The following AR variants were observed in gnomAD, a reference collection of about 807,000 sequenced individuals.
AR encodes the protein dihydrotestosterone receptor.
AR carries 8 observed loss-of-function variants against 53.9 expected under a neutral mutation model. That is an observed-to-expected ratio of 0.15 (90% CI 0.09 to 0.27). AR has a LOEUF of 0.27. Ranked by LOEUF, AR falls within the 10% of genes least tolerant of loss-of-function variation. AR has a pLI of 1.00. For missense variants in AR, 639 were observed against 742.5 expected (o/e 0.86, Z 1.62); for synonymous variants, 359 against 316.4 (o/e 1.13, Z -1.43).
intron 1 of AR, among the ~76,000 whole-genome samples, chrX:67,568,322 A>G (rs913403090): frequency 2.7e-5 from 3 of 111,906 alleles, no homozygotes; most frequent in Admixed American, 1.9e-4. Context: ...GTCATAATTT[A>G]GAGAGAATTC....
At chrX:67,683,875 GAAAA>G in intron 2 of AR, among the ~76,000 whole-genome samples, 1 of 95,116 alleles carries the variant, frequency 1.1e-5, no homozygotes, top group South Asian at 4.7e-4. Flanking sequence ...GTTCCAAATT[GAAAA>G]AAAAAAAAAA....
chrX:67,599,404 C>T lies in AR; in HGVS notation c.1617-43852C>T, dbSNP rs1405572189. Among the ~76,000 whole-genome samples the T allele has an allele frequency of 5.4e-5, 6 of 111,981 alleles. No individual in the cohort carries two copies. In the Admixed American group the frequency reaches 5.7e-4, roughly 11 times the overall value. ...TGATTTAAATGGCTAGTTTAGAAGA[C>T]TGAATTTAGGCCACTTGATTGAGAA... is the stretch of plus-strand genomic sequence containing the variant. On this transcript the variant is annotated intron_variant, in intron 1 of 7. Coordinates refer to ENST00000374690, the MANE Select transcript of AR (RefSeq NM_000044.6).
Position 67,546,010 on chromosome X carries a change from C to T in AR, c.864C>T (p.Ala288=), listed in dbSNP as rs1323007576. 18 of 1,210,856 alleles carry T rather than the reference C, an allele frequency of 1.5e-5. No individual in the cohort carries two copies. Among genetic ancestry groups the T allele is most frequent in the Non-Finnish European group, 1.9e-5 (17 of 895,422 alleles). Residue 288 remains alanine (A), a synonymous_variant, in exon 1 of 8, where the codon GCC becomes GCT. Coordinates refer to ENST00000374690, the MANE Select transcript of AR (RefSeq NM_000044.6). ...GTCCCACTCCTTGTGCCCCATTGGC[C>T]GAATGCAAAGGTTCTCTGCTAGACG... ...AVRPTPCAPL[A]ECKGSLLDDS...
rs1371968538 is a variant in AR, at chrX:67,728,048, A to G, written c.*4207A>G. 5.8e-6 allele frequency: 1 copy of G among 172,605 alleles called. No homozygotes were observed. Among genetic ancestry groups the G allele is most frequent in the Non-Finnish European group, 1.1e-5 (1 of 90,824 alleles). The allele number at this position is 172,605 out of a possible 1,213,427, so 14.2% of individuals were successfully genotyped here. On this transcript the variant is annotated 3_prime_UTR_variant, in exon 8 of 8. Coordinates refer to ENST00000374690, the MANE Select transcript of AR (RefSeq NM_000044.6). ...GCATCACATTATATAACCAAAGATTACATTGTACCTGCTAAGATACCAAAA... is the reference window on the plus strand; with the variant it reads ...GCATCACATTATATAACCAAAGATTGCATTGTACCTGCTAAGATACCAAAA...
At chrX:67,675,075 TC>T (rs1348213011) in intron 2 of AR, among the ~76,000 whole-genome samples, 1 of 110,478 alleles carries the variant, frequency 9.1e-6, no homozygotes, top group Non-Finnish European at 1.9e-5. Flanking sequence ...CCAGTGTGTA[TC>T]TAGAAATATC....
At position 67,728,574 on chromosome X, in the gene AR, AATATATATATAT is replaced by A. The variant is rs10666509; in HGVS notation, c.*4763_*4774del. ...ATTTGTATCCATGTTTCAAAATTGA[AATATATATATAT>A]ATATATATATATATATATATATATA... On this transcript the variant is annotated 3_prime_UTR_variant, in exon 8 of 8. Transcript: ENST00000374690. 1.8e-3 allele frequency: 55 copies of A among 29,863 alleles called. No individual in the cohort carries two copies. The highest frequency in any genetic ancestry group is 0.012 in the East Asian group (9 of 779). 2.5% of individuals were successfully genotyped at this position (29,863 alleles called of 1,213,427 possible). A position where few individuals can be genotyped will look rare whatever the true frequency, so the allele number is the denominator to read the frequency against.
chrX:67,564,852 A>G (rs1027732008), intron 1 of AR, among the ~76,000 whole-genome samples: 4 of 111,672 alleles, frequency 3.6e-5, no homozygotes, highest in African/African-American at 1.3e-4. Flanking sequence ...CCAACTGTTC[A>G]TTATAGGTAC....
intron 5 of AR, 62 bp from the exon 6 acceptor site, chrX:67,721,771 T>C: frequency 8.4e-7 from 1 of 1,197,415 alleles, no homozygotes; most frequent in Non-Finnish European, 1.1e-6. Flanking sequence ...TCAGAGACAT[T>C]CCCTCTGGGC....
chrX:67,576,497 C>T (rs2147351168), intron 1 of AR, among the ~76,000 whole-genome samples: 1 of 110,516 alleles, frequency 9.0e-6, no homozygotes, highest in Admixed American at 9.6e-5. Context: ...TTGGGAGCTA[C>T]AGTTTAAACA....
chrX:67,558,151 GT>G (rs1159635620), intron 1 of AR, among the ~76,000 whole-genome samples: 1 of 112,007 alleles, frequency 8.9e-6, no homozygotes, highest in Non-Finnish European at 1.9e-5. Flanking sequence ...GTCAGAGCCT[GT>G]TTTAAGGGTT....
chrX:67,694,868 G>A (rs1412327973), intron 3 of AR: 2 of 1,071,582 alleles, frequency 1.9e-6, no homozygotes, highest in African/African-American at 1.9e-5. Context: ...CTACTCTCTT[G>A]ATTGCTGACT....
chrX:67,711,939 C>G (rs1393096023), intron 4 of AR, among the ~76,000 whole-genome samples: 1 of 112,282 alleles, frequency 8.9e-6, no homozygotes, highest in African/African-American at 3.2e-5. Context: ...GTCATGCTTT[C>G]ATATTCAACT....
chrX:67,640,421 A>G (rs767998348), intron 1 of AR, among the ~76,000 whole-genome samples: 61 of 111,648 alleles, frequency 5.5e-4, no homozygotes, highest in African/African-American at 1.9e-3. Flanking sequence ...TACATCTGGT[A>G]GAATTCATCT....
Position 67,546,197 on chromosome X carries a change from G to C in AR, c.1051G>C (p.Gly351Arg), listed in dbSNP as rs2147319820. The stretch of plus-strand genomic sequence containing the variant: ...GTCTACCCTGTCTCTCTACAAGTCC[G>C]GAGCACTGGACGAGGCAGCTGCGTA... ...LPSTLSLYKS[G>R]ALDEAAAYQS... is the part of the protein sequence containing the mutation. Residue 351 changes from glycine (G) to arginine (R), a missense_variant, in exon 1 of 8, where the codon GGA becomes CGA. Transcript: ENST00000374690. The C allele has an allele frequency of 5.0e-6, 6 of 1,211,875 alleles. No individual in the cohort carries two copies. Among genetic ancestry groups the C allele is most frequent in the Non-Finnish European group, 6.7e-6 (6 of 895,490 alleles).
At chrX:67,663,756 G>C (rs909139787) in intron 2 of AR, among the ~76,000 whole-genome samples, 3 of 112,148 alleles carry the variant, frequency 2.7e-5, no homozygotes, top group Non-Finnish European at 5.6e-5. Flanking sequence ...TCACTTTCAG[G>C]TACACCAATC....
At chrX:67,641,782 T>C (rs1925781115) in intron 1 of AR, among the ~76,000 whole-genome samples, 1 of 111,002 alleles carries the variant, frequency 9.0e-6, no homozygotes, top group African/African-American at 3.3e-5. Context: ...AAAGTGCTTG[T>C]AAAGTGAGTG....
intron 4 of AR, among the ~76,000 whole-genome samples, chrX:67,713,609 T>C (rs1283529630): frequency 8.9e-6 from 1 of 111,959 alleles, no homozygotes; most frequent in Non-Finnish European, 1.9e-5. Context: ...ATGCCAAGGC[T>C]CAAAGAGGTT....
At chrX:67,595,738 C>A (rs2147370316) in intron 1 of AR, among the ~76,000 whole-genome samples, 1 of 110,149 alleles carries the variant, frequency 9.1e-6, no homozygotes, top group South Asian at 3.9e-4. Flanking sequence ...TGCTTGAACC[C>A]AGGAAGTTAT....
At chrX:67,604,257 C>A (rs1011785939) in intron 1 of AR, among the ~76,000 whole-genome samples, 1 of 90,954 alleles carries the variant, frequency 1.1e-5, no homozygotes, top group Admixed American at 1.2e-4. Flanking sequence ...TGTGCCATTT[C>A]TGGGACTAAG....
Sources: gnomAD v4.1 joint callset for allele counts (sites outside exome capture counted in the v4.1 genomes callset) on GRCh38, gnomAD v4.1.1 for gene constraint, MANE v1.5 for transcripts, NCBI Gene and HGNC (gene_info 2026-07-23, HGNC 2026-07-21) for gene names.